SH3BGRL: variants seen among roughly 807,000 people sequenced by gnomAD.
SH3BGRL encodes the protein SH3 domain binding glutamate rich protein like.
SH3BGRL carries 7 observed loss-of-function variants against 9.8 expected under a neutral mutation model. That is an observed-to-expected ratio of 0.72 (90% confidence interval 0.41 to 1.35). The LOEUF (loss-of-function observed/expected upper bound fraction) is 1.35, where lower values mean the gene tolerates loss of function less well. SH3BGRL is among the 40% of genes most tolerant of loss of function. SH3BGRL has a pLI of 0.01. For synonymous variants in SH3BGRL, 36 were observed against 29.1 expected, an observed-to-expected ratio of 1.24 and a Z score of -0.76; for missense variants, 73 against 84.4, an observed-to-expected ratio of 0.86 and a Z score of 0.53.
intron 1 of SH3BGRL, among the ~76,000 whole-genome samples, chrX:81,268,900 C>A (rs1463778498): frequency 9.0e-6 from 1 of 111,725 alleles, no homozygotes; most frequent in Admixed American, 9.5e-5. Context: ...TCTGGCTGCT[C>A]CTGTACTGAG....
At chrX:81,254,264 T>C (rs1275395199) in intron 1 of SH3BGRL, among the ~76,000 whole-genome samples, 1 of 112,164 alleles carries the variant, frequency 8.9e-6, no homozygotes, top group African/African-American at 3.2e-5. Flanking sequence ...GGTTAACTTC[T>C]TGGATCATTT....
chrX:81,262,908 A>C (rs5959863), intron 1 of SH3BGRL, among the ~76,000 whole-genome samples: 1,825 of 111,902 alleles, frequency 0.016, 45 homozygotes, highest in African/African-American at 0.057. Context: ...TGTGGTGAGC[A>C]CTATATGGGG....
At chrX:81,287,095 G>T (rs1374173180) in intron 3 of SH3BGRL, among the ~76,000 whole-genome samples, 2 of 110,302 alleles carry the variant, frequency 1.8e-5, no homozygotes, top group Non-Finnish European at 3.8e-5. Flanking sequence ...GTCACTTTAG[G>T]GAAATAAACT....
At chrX:81,267,902 T>A (rs2075763379) in intron 1 of SH3BGRL, among the ~76,000 whole-genome samples, 1 of 112,098 alleles carries the variant, frequency 8.9e-6, no homozygotes, top group South Asian at 3.7e-4. Flanking sequence ...ATCCTGTTAC[T>A]GGTCTATTCA....
At position 81,223,575 on chromosome X, in the gene SH3BGRL, A is replaced by G. The variant is rs2075607492; in HGVS notation, c.45+21330A>G. Among the ~76,000 whole-genome samples, 3 of 111,171 alleles carry G rather than the reference A, an allele frequency of 2.7e-5. No individual in the cohort carries two copies. In the Admixed American group the frequency reaches 2.9e-4, roughly 11 times the overall value. ...TCTTTTCTACCTCTCTTCTCTTTTTAGGAAGCTTTCTGTGTATTGCTTCTG... is the reference window on the plus strand; with the variant it reads ...TCTTTTCTACCTCTCTTCTCTTTTTGGGAAGCTTTCTGTGTATTGCTTCTG... On this transcript the variant is annotated intron_variant, in intron 1 of 3. Coordinates refer to ENST00000373212, the MANE Select transcript of SH3BGRL (RefSeq NM_003022.3).
chrX:81,295,463 G>A (rs147837504), intron 3 of SH3BGRL, among the ~76,000 whole-genome samples: 17 of 111,114 alleles, frequency 1.5e-4, no homozygotes, highest in African/African-American at 4.3e-4. Flanking sequence ...TTCACCTTCC[G>A]CCATGATTCT....
chrX:81,259,827 C>G (rs1426821671), intron 1 of SH3BGRL, among the ~76,000 whole-genome samples: 1 of 112,099 alleles, frequency 8.9e-6, no homozygotes. Context: ...TTCTTAACTT[C>G]ACACTTTATT....
chrX:81,269,673 G>T (rs2075771056), intron 1 of SH3BGRL, among the ~76,000 whole-genome samples: 1 of 110,713 alleles, frequency 9.0e-6, no homozygotes, highest in Admixed American at 9.6e-5. Flanking sequence ...TTCAACCTTG[G>T]TGAATCTGAT....
chrX:81,262,160 G>A (rs2086572640), intron 1 of SH3BGRL, among the ~76,000 whole-genome samples: 1 of 111,063 alleles, frequency 9.0e-6, no homozygotes, highest in South Asian at 3.8e-4. Flanking sequence ...GTCCCACTAT[G>A]CAGTAGGAGC....
rs749139017 is a variant in SH3BGRL, at chrX:81,295,095, T to C, written c.313-2100T>C. On this transcript the variant is annotated intron_variant, in intron 3 of 3. Coordinates refer to ENST00000373212, the MANE Select transcript of SH3BGRL (RefSeq NM_003022.3). ...CGGAAGGGACTTTACTTGTTTCAGA[T>C]GAGACTTCAGACTGTGGATTTTTGG... is the stretch of plus-strand genomic sequence containing the variant. 2.1e-4 allele frequency among the ~76,000 whole-genome samples: 23 copies of C among 112,132 alleles called. No individual in the cohort carries two copies. The East Asian group carries it at 5.9e-3, about 29-fold the overall frequency.
At chrX:81,242,670 A>C (rs779637817) in intron 1 of SH3BGRL, among the ~76,000 whole-genome samples, 3 of 111,787 alleles carry the variant, frequency 2.7e-5, no homozygotes, top group South Asian at 7.5e-4. Flanking sequence ...CAAACTATCC[A>C]TCTGACAAGG....
intron 1 of SH3BGRL, among the ~76,000 whole-genome samples, chrX:81,240,187 C>T (rs1427092066): frequency 8.9e-6 from 1 of 111,786 alleles, no homozygotes; most frequent in Non-Finnish European, 1.9e-5. Flanking sequence ...AACGATAAAC[C>T]AATCAAAAAC....
chrX:81,214,406 T>A (rs1354582839), intron 1 of SH3BGRL, among the ~76,000 whole-genome samples: 1 of 111,632 alleles, frequency 9.0e-6, no homozygotes, highest in Non-Finnish European at 1.9e-5. Context: ...AATAAAATGA[T>A]ATTATTCCAG....
chrX:81,222,316 T>G (rs1420242374), intron 1 of SH3BGRL, among the ~76,000 whole-genome samples: 1 of 58,718 alleles, frequency 1.7e-5, no homozygotes, highest in Non-Finnish European at 3.1e-5. Context: ...ATGCTATCCC[T>G]CCCCCCTCCC....
chrX:81,297,490 C>T lies in SH3BGRL; in HGVS notation c.*263C>T, dbSNP rs2147727171. ...ATAGTGTTGTTACCTGCCAAGCCAT[C>T]CTGTATACACCAATGATTTTACAAA... On this transcript the variant is annotated 3_prime_UTR_variant, in exon 4 of 4. Transcript: ENST00000373212. 9.7e-6 allele frequency: 2 copies of T among 205,302 alleles called. No homozygotes were observed. The highest frequency in any genetic ancestry group is 4.3e-4 in the South Asian group (2 of 4,598). The allele number at this position is 205,302 out of a possible 1,213,427, so 16.9% of individuals were successfully genotyped here. A position where few individuals can be genotyped will look rare whatever the true frequency, so the allele number is the denominator to read the frequency against.
chrX:81,241,835 C>T (rs1431626014), intron 1 of SH3BGRL, among the ~76,000 whole-genome samples: 7 of 112,547 alleles, frequency 6.2e-5, no homozygotes, highest in East Asian at 2.8e-4. Flanking sequence ...GTGGAAGGCA[C>T]GTGCAGTACA....
At chrX:81,290,627 C>T (rs1173155678) in intron 3 of SH3BGRL, among the ~76,000 whole-genome samples, 3 of 110,346 alleles carry the variant, frequency 2.7e-5, no homozygotes, top group Non-Finnish European at 5.7e-5. Flanking sequence ...GCACAAAAAA[C>T]AGAAACAATG....
chrX:81,236,540 G>A (rs1269578730), intron 1 of SH3BGRL, among the ~76,000 whole-genome samples: 2 of 111,205 alleles, frequency 1.8e-5, no homozygotes, highest in Non-Finnish European at 3.8e-5. Context: ...TTATTCATGG[G>A]TGCTCTAGAC....
At chrX:81,223,484 G>A (rs1279747080) in intron 1 of SH3BGRL, among the ~76,000 whole-genome samples, 1 of 110,549 alleles carries the variant, frequency 9.0e-6, no homozygotes, top group Non-Finnish European at 1.9e-5. Flanking sequence ...TAGAGAACAA[G>A]GCCTTAATTC....
Sources: allele counts gnomAD v4.1 joint callset (sites outside exome capture counted in the v4.1 genomes callset), GRCh38; gene constraint gnomAD v4.1.1; transcripts MANE v1.5; gene names NCBI Gene and HGNC (gene_info 2026-07-23, HGNC 2026-07-21).